WLS: variants seen among roughly 807,000 people sequenced by gnomAD.
WLS encodes protein wntless homolog.
WLS carries 23 observed loss-of-function variants against 62.8 expected under a neutral mutation model. The observed-to-expected ratio is 0.37, with a 90% CI of 0.26 to 0.52. WLS has a LOEUF of 0.52. Ranked by LOEUF, WLS falls within the 20% of genes least tolerant of loss-of-function variation. The pLI is 0.92. For synonymous variants in WLS, 246 were observed against 244.1 expected, an observed-to-expected ratio of 1.01 and a Z score of -0.07; for missense variants, 615 against 697.3, an observed-to-expected ratio of 0.88 and a Z score of 1.33.
chr1:68,176,489 G>A (rs1391659182), intron 2 of WLS: 1 of 152,194 alleles, frequency 6.6e-6, no homozygotes, highest in Non-Finnish European at 1.5e-5. Flanking sequence ...CAAGCTACGA[G>A]TCTCAAATCC....
intron 11 of WLS, among the ~76,000 whole-genome samples, chr1:68,115,672 A>T (rs1350724519): frequency 1.3e-5 from 2 of 152,112 alleles, no homozygotes; most frequent in Non-Finnish European, 2.9e-5. Flanking sequence ...TGTTGCTTGG[A>T]CATTTGTTAT....
Position 68,159,159 on chromosome 1 carries a change from T to C in WLS, c.468A>G (p.Val156=), listed in dbSNP as rs2100497307. ...AEWTEMAHER[V]PRKLKCTFTS... ...TGAAGGTGCATTTGAGTTTCCGTGG[T>C]ACTCTTTCATGGGCCATTTCAGTCC... Residue 156 remains valine (V), a synonymous_variant, in exon 3 of 12, where the codon GTA becomes GTG. Coordinates refer to ENST00000262348, the MANE Select transcript of WLS (RefSeq NM_024911.7). The C allele has an allele frequency of 6.2e-7, 1 of 1,614,186 alleles. No individual in the cohort carries two copies. Among genetic ancestry groups the C allele is most frequent in the East Asian group, 2.2e-5 (1 of 44,874 alleles).
intron 2 of WLS, among the ~76,000 whole-genome samples, chr1:68,170,069 T>A (rs1301651195): frequency 2.0e-5 from 3 of 151,984 alleles, no homozygotes; most frequent in Non-Finnish European, 1.5e-5. Flanking sequence ...CCTTCTCCTA[T>A]CACTGTGAGG....
chr1:68,205,183 G>A (rs1649231796), intron 1 of WLS, among the ~76,000 whole-genome samples: 1 of 152,170 alleles, frequency 6.6e-6, no homozygotes, highest in Admixed American at 6.5e-5. Context: ...CTTCCGTGAG[G>A]TCAGTCTCCC....
chr1:68,148,665 G>C lies in WLS; in HGVS notation c.973-5C>G. ...GTGGTTCCGCTCGTGCTGATCCTGA[G>C]GAAAACCAAATTGAGAAGGGAGATA... On this transcript the variant is annotated splice_polypyrimidine_tract_variant and splice_region_variant and intron_variant, in intron 6 of 11. Coordinates refer to ENST00000262348, the MANE Select transcript of WLS (RefSeq NM_024911.7). The C allele has an allele frequency of 6.2e-7, 1 of 1,613,246 alleles. No individual in the cohort carries two copies. The highest frequency in any genetic ancestry group is 8.5e-7 in the Non-Finnish European group (1 of 1,179,720).
intron 7 of WLS, 111 bp downstream of exon 7, chr1:68,148,451 CA>C: frequency 8.2e-7 from 1 of 1,214,424 alleles, no homozygotes; most frequent in Non-Finnish European, 1.2e-6. Flanking sequence ...CCAGTGCTTC[CA>C]AACCAAAGGT....
At chr1:68,157,529 T>G (rs1646916119) in intron 3 of WLS, among the ~76,000 whole-genome samples, 1 of 150,526 alleles carries the variant, frequency 6.6e-6, no homozygotes, top group African/African-American at 2.4e-5. Flanking sequence ...CTCCCCCAAC[T>G]CCAGCATGAG....
chr1:68,162,796 C>T (rs753640795), intron 2 of WLS: 85 of 1,143,710 alleles, frequency 7.4e-5, no homozygotes, highest in Non-Finnish European at 1.1e-4. Flanking sequence ...CACGATCACT[C>T]TCGGGGCCTT....
intron 11 of WLS, among the ~76,000 whole-genome samples, chr1:68,133,295 A>T (rs1646557955): frequency 6.6e-6 from 1 of 152,212 alleles, no homozygotes; most frequent in Admixed American, 6.5e-5. Context: ...AATAGGAAGG[A>T]ACCCAGGGGA....
At chr1:68,174,847 G>C (rs1034586882) in intron 2 of WLS, among the ~76,000 whole-genome samples, 1 of 152,170 alleles carries the variant, frequency 6.6e-6, no homozygotes, top group African/African-American at 2.4e-5. Flanking sequence ...CTATCATGTA[G>C]GAAGCAAGTT....
chr1:68,162,240 A>C (rs138621562), intron 2 of WLS: 2 of 1,528,414 alleles, frequency 1.3e-6, no homozygotes, highest in African/African-American at 2.7e-5. Context: ...CCTCCTTGAG[A>C]GCTTGTGCTA....
intron 1 of WLS, among the ~76,000 whole-genome samples, chr1:68,216,860 T>C (rs1415697673): frequency 6.6e-6 from 1 of 152,196 alleles, no homozygotes; most frequent in African/African-American, 2.4e-5. Flanking sequence ...AGGGGTCCTA[T>C]TAGCAATATT....
Position 68,188,434 on chromosome 1 carries a change from T to C in WLS, c.379+5521A>G, listed in dbSNP as rs551001108. On this transcript the variant is annotated intron_variant, in intron 2 of 11. Transcript: ENST00000262348. ...TCATAAATGTAAATATACTGCGTAA[T>C]CTGCCCACTGGGAGTTCATAGTTTA... Among the ~76,000 whole-genome samples the C allele has an allele frequency of 7.2e-5, 11 of 152,316 alleles. No homozygotes were observed. The South Asian group carries it at 2.1e-3, about 29-fold the overall frequency.
intron 1 of WLS, among the ~76,000 whole-genome samples, chr1:68,194,736 C>T (rs1437099374): frequency 6.6e-6 from 1 of 152,152 alleles, no homozygotes; most frequent in African/African-American, 2.4e-5. Context: ...TTCCTTTTGG[C>T]TCTAAAATTG....
In WLS at chr1:68,155,214, A is replaced by G; in HGVS notation, c.551T>C (p.Phe184Ser). 6.2e-7 allele frequency: 1 copy of G among 1,613,948 alleles called. No homozygotes were observed. The highest frequency in any genetic ancestry group is 8.5e-7 in the Non-Finnish European group (1 of 1,179,922). The change falls in exon 4 of 12, where the codon TTC becomes TCC. Residue 184 changes from phenylalanine (F) to serine (S), a missense_variant. Phe to Ser is a radical substitution (Grantham distance 155). Transcript: ENST00000262348. Reference sequence around the variant, plus strand: ...ATGGGCCACAGACCCAATTTCCATGAAAGGAAGGACATCACATTCATAGTA... The same window carrying G: ...ATGGGCCACAGACCCAATTTCCATGGAAGGAAGGACATCACATTCATAGTA... ...GRYYECDVLPFMEIGSVAHKF... is the reference protein window; with the variant it reads ...GRYYECDVLPSMEIGSVAHKF...
intron 2 of WLS, among the ~76,000 whole-genome samples, chr1:68,177,519 A>G (rs1647311400): frequency 6.6e-6 from 1 of 151,880 alleles, no homozygotes; most frequent in Non-Finnish European, 1.5e-5. Context: ...AATAATAACT[A>G]CTCACTCTTA....
At chr1:68,164,225 A>AAACT in intron 2 of WLS, among the ~76,000 whole-genome samples, 1 of 152,128 alleles carries the variant, frequency 6.6e-6, no homozygotes, top group Non-Finnish European at 1.5e-5. Flanking sequence ...CAAGGGGAAA[A>AAACT]AACTAACTGT....
At chr1:68,110,128 T>C (rs1570802601) in intron 11 of WLS, among the ~76,000 whole-genome samples, 2 of 151,688 alleles carry the variant, frequency 1.3e-5, no homozygotes, top group East Asian at 3.9e-4. Context: ...GATTAATCTT[T>C]AGTAAGATTG....
intron 2 of WLS, among the ~76,000 whole-genome samples, chr1:68,175,610 C>T (rs1032431464): frequency 7.9e-5 from 12 of 152,210 alleles, no homozygotes; most frequent in Non-Finnish European, 1.6e-4. Context: ...CAGCTGTTGA[C>T]TGCCTTCTAT....
Sources: allele counts gnomAD v4.1 joint callset (sites outside exome capture counted in the v4.1 genomes callset), GRCh38; gene constraint gnomAD v4.1.1; transcripts MANE v1.5; gene names NCBI Gene and HGNC (gene_info 2026-07-23, HGNC 2026-07-21).